DDX31: variants seen among roughly 807,000 people sequenced by gnomAD.
The protein encoded by DDX31 is DEAD-box helicase 31, also known as ATP-dependent DNA helicase DDX31.
DDX31 carries 70 observed loss-of-function variants against 91.3 expected under a neutral mutation model. The ratio of observed to expected loss-of-function variants is 0.77; its 90% CI spans 0.63 to 0.94. The LOEUF (loss-of-function observed/expected upper bound fraction) is 0.94. DDX31 is among the 40% of genes least tolerant of loss of function. The pLI is 0.00. For synonymous variants in DDX31, 362 were observed against 350.6 expected (o/e 1.03, Z -0.36); for missense variants, 902 against 925.0 (o/e 0.98, Z 0.32).
chr9:132,625,730 C>G lies in DDX31; in HGVS notation c.1647G>C (p.Lys549Asn). The change falls in exon 17 of 20, where the codon AAG becomes AAC. Residue 549 changes from lysine to asparagine, a missense_variant. Transcript: ENST00000372159. ...ASHKINVSEIKMEDILCVLTR... is the reference protein window; with the variant it reads ...ASHKINVSEINMEDILCVLTR... ...TCAGAACACACAAAATATCTTCCAT[C>G]TTAATCTCAGAAACGCTGTAAAAGG... 1 of 1,613,688 alleles carries G rather than the reference C, an allele frequency of 6.2e-7. No individual in the cohort carries two copies.
chr9:132,669,084 G>A (rs1005966146), intron 1 of DDX31, among the ~76,000 whole-genome samples: 3 of 152,146 alleles, frequency 2.0e-5, no homozygotes, highest in Admixed American at 6.5e-5. Context: ...GGAGACCAAG[G>A]TTCTTTTCAA....
intron 6 of DDX31, chr9:132,658,142 G>A: frequency 1.7e-6 from 1 of 596,566 alleles, no homozygotes; most frequent in Admixed American, 2.9e-5. Context: ...CCCACGTTAG[G>A]TACTGTGGAA....
At chr9:132,647,446 G>A (rs1833910848) in intron 11 of DDX31, among the ~76,000 whole-genome samples, 1 of 152,156 alleles carries the variant, frequency 6.6e-6, no homozygotes, top group African/African-American at 2.4e-5. Flanking sequence ...AATGTGCCCT[G>A]AGAATATCCA....
chr9:132,625,821 C>T lies in DDX31; in HGVS notation c.1632-76G>A, dbSNP rs185340839. On this transcript the variant is annotated intron_variant, in intron 16 of 19. Coordinates refer to ENST00000372159, the MANE Select transcript of DDX31 (RefSeq NM_022779.9). ...CCAAGACCTTGATGCACAAAACTGG[C>T]CTATTCTTGAGCTAATTAGACATGA... The T allele has an allele frequency of 1.5e-3, 1,660 of 1,115,338 alleles. 42 individuals are homozygous for T. In the South Asian group the frequency reaches 0.021, roughly 14 times the overall value. 69.1% of individuals were successfully genotyped at this position (1,115,338 alleles called of 1,614,324 possible). A position where few individuals can be genotyped will look rare whatever the true frequency, so the allele number is the denominator to read the frequency against.
chr9:132,665,808 A>G (rs895868342), intron 1 of DDX31, among the ~76,000 whole-genome samples: 1 of 152,212 alleles, frequency 6.6e-6, no homozygotes, highest in Non-Finnish European at 1.5e-5. Flanking sequence ...GTATTCTCTC[A>G]TTTATCAACA....
At chr9:132,664,519 G>T (rs1253548994) in intron 1 of DDX31, among the ~76,000 whole-genome samples, 2 of 152,092 alleles carry the variant, frequency 1.3e-5, no homozygotes, top group South Asian at 4.2e-4. Flanking sequence ...GACCAGCCTG[G>T]GCAATATGGT....
At chr9:132,624,920 A>G (rs535123544) in intron 17 of DDX31, among the ~76,000 whole-genome samples, 1 of 152,338 alleles carries the variant, frequency 6.6e-6, no homozygotes, top group South Asian at 2.1e-4. Context: ...AGCTTGATCT[A>G]TCTGGCCCTG....
At position 132,595,428 on chromosome 9, in the gene DDX31, C is replaced by T. The variant is rs1329777319; in HGVS notation, c.1995-316G>A. Reference sequence around the variant, plus strand: ...ATGGCAAATGAGGTGTATGATACAGCGGTTTGCCAAAGGACAGGGAAAAAC... The same window carrying T: ...ATGGCAAATGAGGTGTATGATACAGTGGTTTGCCAAAGGACAGGGAAAAAC... On this transcript the variant is annotated intron_variant, in intron 19 of 19. Coordinates refer to ENST00000372159, the MANE Select transcript of DDX31 (RefSeq NM_022779.9). This position sits in a 1 kb window ranked among gnomAD's most constrained non-coding sequence, Gnocchi z 4.6. 2.0e-5 allele frequency among the ~76,000 whole-genome samples: 3 copies of T among 152,148 alleles called. No homozygotes were observed. In the South Asian group the frequency reaches 6.2e-4, roughly 32 times the overall value.
rs770175333 is a variant in DDX31, at chr9:132,669,843, G to A, written c.75+17C>T. 6.4e-7 allele frequency: 1 copy of A among 1,565,586 alleles called. No homozygotes were observed. Among genetic ancestry groups the A allele is most frequent in the Non-Finnish European group, 8.6e-7 (1 of 1,158,002 alleles). Reference sequence around the variant, plus strand: ...GGCCGCGGGTGGGGACGGAGCTGAAGCCGGGTCAGAACTCACCCGACTCGC... The same window carrying A: ...GGCCGCGGGTGGGGACGGAGCTGAAACCGGGTCAGAACTCACCCGACTCGC... On this transcript the variant is annotated intron_variant, in intron 1 of 19. Coordinates refer to ENST00000372159, the MANE Select transcript of DDX31 (RefSeq NM_022779.9).
intron 13 of DDX31, 87 bp from the exon 14 acceptor site, chr9:132,642,150 C>T: frequency 8.5e-7 from 1 of 1,175,758 alleles, no homozygotes; most frequent in African/African-American, 1.5e-5. Flanking sequence ...CTCTCCATCT[C>T]CTACTGCTAG....
At position 132,659,776 on chromosome 9, in the gene DDX31, G is replaced by C; in HGVS notation, c.457C>G (p.Gln153Glu). Residue 153 changes from glutamine (Q) to glutamate (E), a missense_variant, in exon 5 of 20, where the codon CAG becomes GAG. Transcript: ENST00000372159. ...VLKMSSMTSV[Q>E]KQSIPVLLEG... ...AGCAACACAGGAATACTTTGCTTCTGAACACTGGGCCACCCGAAAAAAAGA... is the reference window on the plus strand; with the variant it reads ...AGCAACACAGGAATACTTTGCTTCTCAACACTGGGCCACCCGAAAAAAAGA... 2.5e-6 allele frequency: 4 copies of C among 1,613,006 alleles called. No homozygotes were observed. Among genetic ancestry groups the C allele is most frequent in the Non-Finnish European group, 3.4e-6 (4 of 1,179,494 alleles).
chr9:132,624,640 T>C (rs1832281387), intron 17 of DDX31, among the ~76,000 whole-genome samples: 1 of 152,224 alleles, frequency 6.6e-6, no homozygotes, highest in South Asian at 2.1e-4. Flanking sequence ...TTTCCTCATC[T>C]ATAAATTGGG....
At chr9:132,599,934 A>G (rs576484268) in intron 19 of DDX31, among the ~76,000 whole-genome samples, 29 of 152,374 alleles carry the variant, frequency 1.9e-4, no homozygotes, top group South Asian at 1.9e-3. Context: ...GGGACTGACT[A>G]TAAGTCTCTA....
In DDX31 at chr9:132,647,021, T is replaced by C. The variant is rs1590068647; in HGVS notation, c.1005A>G (p.Pro335=). Residue 335 remains proline (P), a synonymous_variant, in exon 12 of 20, where the codon CCA becomes CCG. Transcript: ENST00000372159. The part of the protein sequence containing the change: ...TRLADISLHD[P]VSISVLDKSH... ...TCTTGTCCAGGACAGAAATACTGAC[T>C]GGATCATGCAAACTGATATCAGCTA... 6.2e-7 allele frequency: 1 copy of C among 1,614,156 alleles called. No homozygotes were observed. The highest frequency in any genetic ancestry group is 1.1e-5 in the South Asian group (1 of 91,080).
chr9:132,623,304 T>A (rs961131669), intron 17 of DDX31, among the ~76,000 whole-genome samples: 1 of 151,692 alleles, frequency 6.6e-6, no homozygotes, highest in Non-Finnish European at 1.5e-5. Flanking sequence ...ATGCCTGTAA[T>A]CCCAGCACTT....
intron 18 of DDX31, 31 bp from the exon 19 acceptor site, chr9:132,612,286 G>C: frequency 1.9e-6 from 3 of 1,613,394 alleles, no homozygotes; most frequent in Non-Finnish European, 2.5e-6. Context: ...GAGGGAAGCT[G>C]TCAGGACCGG....
At position 132,594,939 on chromosome 9, in the gene DDX31, C is replaced by T. The variant is rs140473313; in HGVS notation, c.2168G>A (p.Arg723His). 2.2e-5 allele frequency: 36 copies of T among 1,614,070 alleles called. 1 individual carries two copies. The Middle Eastern group carries it at 6.6e-4, about 30-fold the overall frequency. ...TTTTCTCCATTTTAATGTTTTCCCA[C>T]GGCCAAAGCAGGGTGTCGGCTGCAG... ...HSLQPTPCFGRGKTLKWRKTQ... is the reference protein window; with the variant it reads ...HSLQPTPCFGHGKTLKWRKTQ... The change falls in exon 20 of 20, where the codon CGT becomes CAT. Residue 723 changes from arginine (R) to histidine (H), a missense_variant. Physicochemically the swap from Arg to His is conservative, Grantham distance 29. Coordinates refer to ENST00000372159, the MANE Select transcript of DDX31 (RefSeq NM_022779.9).
intron 18 of DDX31, among the ~76,000 whole-genome samples, chr9:132,616,936 T>C (rs1831674275): frequency 6.6e-6 from 1 of 152,230 alleles, no homozygotes; most frequent in Non-Finnish European, 1.5e-5. Flanking sequence ...TAACCCATTT[T>C]TTCATCTATA....
intron 8 of DDX31, 74 bp from the exon 9 acceptor site, chr9:132,650,372 T>G: frequency 6.9e-7 from 1 of 1,439,950 alleles, no homozygotes; most frequent in Non-Finnish European, 9.8e-7. Context: ...CCAAATTCCC[T>G]TTCCTTAAAC....
Sources: gnomAD v4.1 joint callset for allele counts (sites outside exome capture counted in the v4.1 genomes callset) on GRCh38, gnomAD v4.1.1 for gene constraint, Gnocchi (gnomAD v3.1) non-coding constraint, MANE v1.5 for transcripts, NCBI Gene and HGNC (gene_info 2026-07-23, HGNC 2026-07-21) for gene names.